The following DPP6 variants were observed in gnomAD, a reference collection of about 807,000 sequenced individuals.
DPP6 encodes the protein A-type potassium channel modulatory protein DPP6.
DPP6 carries 69 observed loss-of-function variants against 122.6 expected under a neutral mutation model. The ratio of observed to expected loss-of-function variants is 0.56; its 90% CI spans 0.46 to 0.69. DPP6 has a LOEUF of 0.69. Ranked by LOEUF, DPP6 falls within the 30% of genes least tolerant of loss-of-function variation. DPP6 has a pLI of 0.00. For synonymous variants in DPP6, 418 were observed against 433.1 expected (o/e 0.97, Z 0.43); for missense variants, 928 against 1,116.9 (o/e 0.83, Z 2.41).
intron 1 of DPP6, among the ~76,000 whole-genome samples, chr7:154,320,161 A>G (rs12154224): frequency 0.58 from 88,573 of 151,842 alleles, 26,266 homozygotes; most frequent in South Asian, 0.67. Context: ...ATTCCAACAT[A>G]GAAGCAATAT....
intron 2 of DPP6, among the ~76,000 whole-genome samples, chr7:154,455,302 C>A (rs117939386): frequency 0.018 from 2,697 of 152,244 alleles, 33 homozygotes; most frequent in Non-Finnish European, 0.022. Context: ...GTTGGCAAAG[C>A]CCGCCATTTG....
intron 7 of DPP6, among the ~76,000 whole-genome samples, chr7:154,720,698 A>T (rs1375311298): frequency 6.6e-6 from 1 of 152,278 alleles, no homozygotes; most frequent in Non-Finnish European, 1.5e-5. Context: ...TTGAGGCCAC[A>T]GAATCCATTG....
chr7:154,044,077 C>T (rs1799900141), intron 1 of DPP6, among the ~76,000 whole-genome samples: 1 of 151,782 alleles, frequency 6.6e-6, no homozygotes. Context: ...GTTGTTGCTG[C>T]TGTGAGTGAG....
intron 1 of DPP6, among the ~76,000 whole-genome samples, chr7:154,435,753 A>G (rs1363533379): frequency 6.6e-6 from 1 of 152,194 alleles, no homozygotes; most frequent in African/African-American, 2.4e-5. Context: ...TTGATTTTGT[A>G]ATTTGTTGCT....
chr7:153,887,574 A>T, exon 1 of DPP6: 1 of 1,330,722 alleles, frequency 7.5e-7, no homozygotes. Context: ...TCCTTCAAAA[A>T]CCCGTTTCCA....
At chr7:154,810,225 TCA>T (rs796311327) in intron 16 of DPP6, among the ~76,000 whole-genome samples, 14 of 152,328 alleles carry the variant, frequency 9.2e-5, no homozygotes, top group African/African-American at 3.4e-4. Flanking sequence ...AAGCTCAAGT[TCA>T]GTCTGGATGC....
the DPP6 span, among the ~76,000 whole-genome samples, chr7:153,787,310 T>G: frequency 6.7e-6 from 1 of 148,774 alleles, no homozygotes; most frequent in African/African-American, 2.5e-5. Flanking sequence ...AATATTAAAA[T>G]GCTTGTAAAC....
intron 1 of DPP6, among the ~76,000 whole-genome samples, chr7:154,065,463 C>G (rs535422808): frequency 6.6e-6 from 1 of 151,686 alleles, no homozygotes; most frequent in African/African-American, 2.4e-5. Context: ...AAGAACAAAA[C>G]AGGAAGGGCC....
intron 1 of DPP6, among the ~76,000 whole-genome samples, chr7:154,137,689 T>C (rs1196847150): frequency 2.1e-5 from 3 of 141,710 alleles, no homozygotes; most frequent in Non-Finnish European, 4.6e-5. Flanking sequence ...ATTATCCAAA[T>C]TGGAAAAGGC....
In DPP6 at chr7:154,801,406, G is replaced by A. The variant is rs1798358017; in HGVS notation, c.1351G>A (p.Ala451Thr). 1.9e-6 allele frequency: 3 copies of A among 1,597,760 alleles called. No individual in the cohort carries two copies. Among genetic ancestry groups the A allele is most frequent in the African/African-American group, 2.7e-5 (2 of 74,698 alleles). ...TGGCCGAAAGTTTTTCTTCATCAGA[G>A]CCATCCCCCAGGGAGGACGAGGGAA... ...KDGRKFFFIR[A>T]IPQGGRGKFY... The change falls in exon 13 of 26, where the codon GCC (alanine) becomes ACC (threonine). Residue 451 changes from alanine (A) to threonine (T), a missense_variant. Physicochemically the swap from Ala to Thr is moderately conservative, Grantham distance 58 (BLOSUM62 0). Coordinates refer to ENST00000377770, the MANE Select transcript of DPP6 (RefSeq NM_130797.4).
intron 1 of DPP6, among the ~76,000 whole-genome samples, chr7:153,942,683 G>A (rs571533805): frequency 8.5e-5 from 13 of 152,336 alleles, no homozygotes; most frequent in South Asian, 8.3e-4. Context: ...TCTTGCCAGA[G>A]CGGGCTGTGT....
the DPP6 span, among the ~76,000 whole-genome samples, chr7:153,869,678 T>A: frequency 6.6e-6 from 1 of 152,246 alleles, no homozygotes; most frequent in Admixed American, 6.5e-5. Context: ...TATATGTGAA[T>A]TTGATCCTGT....
At chr7:153,919,556 A>C (rs73163452) in intron 1 of DPP6, among the ~76,000 whole-genome samples, 14,713 of 152,296 alleles carry the variant, frequency 0.097, 965 homozygotes, top group Middle Eastern at 0.17. Flanking sequence ...CATGTAGGAA[A>C]GCAGAAATGG....
At chr7:154,256,131 G>T (rs537005878) in intron 1 of DPP6, among the ~76,000 whole-genome samples, 1 of 152,220 alleles carries the variant, frequency 6.6e-6, no homozygotes, top group Non-Finnish European at 1.5e-5. Context: ...ACTCGAACAT[G>T]ATTTGATTAA....
chr7:154,088,333 T>C (rs2533652), intron 1 of DPP6, among the ~76,000 whole-genome samples: 77,322 of 130,518 alleles, frequency 0.59, 24,732 homozygotes, highest in South Asian at 0.66. Flanking sequence ...TGCCTGCCGT[T>C]TTCCCTGAGA....
At position 153,897,978 on chromosome 7, in the gene DPP6, A is replaced by AAAGAAAG. The variant is rs1254075303; in HGVS notation, c.51+10246_51+10252dup. Among the ~76,000 whole-genome samples, 27 of 152,342 alleles carry AAAGAAAG rather than the reference A, an allele frequency of 1.8e-4. No individual in the cohort carries two copies. In the East Asian group the frequency reaches 2.7e-3, roughly 15 times the overall value. ...AAAGCTGTGTGGATAAGGAGCAATG[A>AAAGAAAG]AAGAAAGATAATACCAAGGCAAATA... On this transcript the variant is annotated intron_variant, in intron 1 of 25. Coordinates refer to the DPP6 transcript ENST00000404039.
intron 1 of DPP6, among the ~76,000 whole-genome samples, chr7:153,970,170 T>G (rs952180500): frequency 2.0e-5 from 3 of 152,216 alleles, no homozygotes; most frequent in African/African-American, 7.2e-5. Context: ...TGTGAAAATT[T>G]TTATTCTTTT....
intron 1 of DPP6, among the ~76,000 whole-genome samples, chr7:154,191,482 C>T (rs891036624): frequency 6.6e-6 from 1 of 152,158 alleles, no homozygotes; most frequent in East Asian, 1.9e-4. Flanking sequence ...AGGCCTGTCA[C>T]TTCTGAAAAA....
intron 16 of DPP6, among the ~76,000 whole-genome samples, chr7:154,829,641 A>G (rs1193886528): frequency 3.3e-5 from 5 of 152,010 alleles, no homozygotes; most frequent in Non-Finnish European, 7.4e-5. Context: ...GCCAACAACA[A>G]TTAGATGGTT....
Sources: gnomAD v4.1 joint callset for allele counts (sites outside exome capture counted in the v4.1 genomes callset) on GRCh38, gnomAD v4.1.1 for gene constraint, MANE v1.5 for transcripts, NCBI Gene and HGNC (gene_info 2026-07-23, HGNC 2026-07-21) for gene names.